COPG2: variants seen among roughly 807,000 people sequenced by gnomAD.
The protein encoded by COPG2 is coatomer subunit gamma-2.
Under a neutral mutation model 46.3 loss-of-function variants are expected in COPG2, and 37 were observed. The ratio of observed to expected loss-of-function variants is 0.80; its 90% CI spans 0.61 to 1.05. COPG2 has a LOEUF of 1.05. Among genes scored for constraint, COPG2 ranks in the 50% least tolerant of loss-of-function variants. The pLI is 0.00. For missense variants in COPG2, 427 were observed against 387.8 expected (o/e 1.10, Z -0.85); for synonymous variants, 159 against 129.7 (o/e 1.23, Z -1.53).
At chr7:130,668,518 C>T (rs1796148662) in intron 1 of COPG2, 114 bp downstream of exon 1, 4 of 927,156 alleles carry the variant, frequency 4.3e-6, no homozygotes, top group Non-Finnish European at 5.9e-6. Context: ...AGCTCCGGCC[C>T]CCTGGCACGG....
chr7:130,514,036 T>C (rs1425366159), intron 20 of COPG2, among the ~76,000 whole-genome samples: 1 of 152,198 alleles, frequency 6.6e-6, no homozygotes, highest in East Asian at 1.9e-4. Flanking sequence ...ATGAGGAAAG[T>C]GTTTCCCAGA....
chr7:130,601,167 AC>A (rs782172131), intron 9 of COPG2, among the ~76,000 whole-genome samples: 13 of 152,252 alleles, frequency 8.5e-5, no homozygotes, highest in Non-Finnish European at 1.8e-4. Flanking sequence ...TCAGGAAACA[AC>A]AGATGCTGGA....
chr7:130,655,952 C>T (rs1278788292), intron 4 of COPG2, among the ~76,000 whole-genome samples: 1 of 152,048 alleles, frequency 6.6e-6, no homozygotes, highest in Non-Finnish European at 1.5e-5. Flanking sequence ...TTATTAATTT[C>T]CAACACTATC....
chr7:130,615,671 T>C (rs1554452745), intron 6 of COPG2, among the ~76,000 whole-genome samples: 1 of 152,210 alleles, frequency 6.6e-6, no homozygotes, highest in African/African-American at 2.4e-5. Context: ...ATAAAAGAGA[T>C]TGGAGATTGC....
Position 130,507,705 on chromosome 7 carries a change from C to T in COPG2, c.2366G>A (p.Ser789Asn), listed in dbSNP as rs782069228. 14 of 780,100 alleles carry T rather than the reference C, an allele frequency of 1.8e-5. No individual in the cohort carries two copies. Among genetic ancestry groups the T allele is most frequent in the Middle Eastern group, 2.2e-4 (1 of 4,460 alleles). The allele number at this position is 780,100 out of a possible 1,614,324, so 48.3% of individuals were successfully genotyped here. A position where few individuals can be genotyped will look rare whatever the true frequency, so the allele number is the denominator to read the frequency against. The part of the protein sequence containing the change: ...TFEKEETFAL[S>N]STKTLEEAVN... ...CTCACCTTCAAGGGTTTTGGTAGAA[C>T]TGAGGGCAAAGGTTTCCTCTTTCTC... The change falls in exon 22 of 24, where the codon AGT (serine) becomes AAT (asparagine). Residue 789 changes from serine to asparagine, a missense_variant. Physicochemically the swap from Ser to Asn is conservative, Grantham distance 46. Transcript: ENST00000425248.
intron 5 of COPG2, among the ~76,000 whole-genome samples, chr7:130,643,535 G>A (rs1327942428): frequency 6.6e-6 from 1 of 152,116 alleles, no homozygotes; most frequent in East Asian, 1.9e-4. Context: ...GTTGGTTTGA[G>A]AACTTCAACT....
chr7:130,592,375 G>A (rs1483740930), intron 9 of COPG2, among the ~76,000 whole-genome samples: 1 of 132,722 alleles, frequency 7.5e-6, no homozygotes, highest in South Asian at 2.3e-4. Flanking sequence ...CCCCCTCTGC[G>A]AGAAACACCC....
chr7:130,618,551 G>C (rs1794987847), intron 5 of COPG2, among the ~76,000 whole-genome samples: 1 of 151,980 alleles, frequency 6.6e-6, no homozygotes, highest in Non-Finnish European at 1.5e-5. Flanking sequence ...CCACATTCTA[G>C]AATTAACAGG....
rs189584250 is a variant in COPG2, at chr7:130,607,045, G to A, written c.737+3908C>T. On this transcript the variant is annotated intron_variant, in intron 9 of 23. Transcript: ENST00000425248. ...TGCTTGAGCTCAGGAGTTTGAGACCGGCCTGGGCAACACTGCGGAACCCCA... is the reference window on the plus strand; with the variant it reads ...TGCTTGAGCTCAGGAGTTTGAGACCAGCCTGGGCAACACTGCGGAACCCCA... Among the ~76,000 whole-genome samples, 323 of 151,962 alleles carry A rather than the reference G, an allele frequency of 2.1e-3. 2 individuals are homozygous for A. Among genetic ancestry groups the A allele is most frequent in the African/African-American group, 6.8e-3 (282 of 41,430 alleles).
intron 5 of COPG2, among the ~76,000 whole-genome samples, chr7:130,626,400 A>ATTTTTTTTTTTTTTTTTT: frequency 8.3e-6 from 1 of 119,842 alleles, no homozygotes; most frequent in Non-Finnish European, 1.7e-5. Flanking sequence ...CACCAGGCTA[A>ATTTTTTTTTTTTTTTTTT]TTTTTTTTTT....
intron 9 of COPG2, among the ~76,000 whole-genome samples, chr7:130,571,832 G>GCC (rs1584977442): frequency 7.7e-6 from 1 of 129,052 alleles, no homozygotes; most frequent in South Asian, 2.4e-4. Flanking sequence ...AAGAAAATGC[G>GCC]CCCTCTCTCT....
intron 21 of COPG2, 189 bp downstream of exon 21, chr7:130,508,364 ATCTCAATTC>A: frequency 2.2e-6 from 1 of 464,924 alleles, no homozygotes; most frequent in Non-Finnish European, 3.8e-6. Flanking sequence ...GAAGTGGTAA[ATCTCAATTC>A]TCTCTGGCCT....
intron 5 of COPG2, among the ~76,000 whole-genome samples, chr7:130,641,323 T>C (rs1233597398): frequency 6.6e-6 from 1 of 151,998 alleles, no homozygotes; most frequent in Admixed American, 6.6e-5. Flanking sequence ...GGGAGAAGCA[T>C]GTACAAATAT....
chr7:130,641,081 T>A (rs1224699333), intron 5 of COPG2, among the ~76,000 whole-genome samples: 1 of 149,634 alleles, frequency 6.7e-6, no homozygotes, highest in Non-Finnish European at 1.5e-5. Context: ...GGCTCTCACC[T>A]GTAATTCCAG....
chr7:130,659,700 TC>T (rs1795935835), intron 4 of COPG2, among the ~76,000 whole-genome samples: 1 of 152,018 alleles, frequency 6.6e-6, no homozygotes, highest in African/African-American at 2.4e-5. Context: ...GATAAAGAGG[TC>T]AGGAAATTGA....
intron 20 of COPG2, among the ~76,000 whole-genome samples, chr7:130,526,977 G>A (rs1420373504): frequency 6.6e-6 from 1 of 150,814 alleles, no homozygotes; most frequent in Non-Finnish European, 1.5e-5. Context: ...CCAAACTCTA[G>A]GCATTTGAAA....
At position 130,513,211 on chromosome 7, in the gene COPG2, G is replaced by A. The variant is rs1167309170; in HGVS notation, c.2150-4552C>T. Among the ~76,000 whole-genome samples, 15 of 148,946 alleles carry A rather than the reference G, an allele frequency of 1.0e-4. 1 individual carries two copies. The highest frequency in any genetic ancestry group is 4.3e-4 in the South Asian group (2 of 4,666). ...TGAGGCAGTAGAATCACTTGAGCCC[G>A]GGAGGTGGAGGATGCAGTGAGCCGA... On this transcript the variant is annotated intron_variant, in intron 20 of 23. Transcript: ENST00000425248.
intron 9 of COPG2, among the ~76,000 whole-genome samples, chr7:130,583,019 A>G (rs1554447414): frequency 6.6e-6 from 1 of 151,402 alleles, no homozygotes. Flanking sequence ...AGGACTACAA[A>G]TCATGCTGCT....
At chr7:130,622,805 G>C (rs1554453780) in intron 5 of COPG2, among the ~76,000 whole-genome samples, 1 of 152,154 alleles carries the variant, frequency 6.6e-6, no homozygotes, top group African/African-American at 2.4e-5. Flanking sequence ...GGTGCACCCT[G>C]ATTGAACCAC....
Sources: allele counts gnomAD v4.1 joint callset (sites outside exome capture counted in the v4.1 genomes callset), GRCh38; gene constraint gnomAD v4.1.1; transcripts MANE v1.5; gene names NCBI Gene and HGNC (gene_info 2026-07-23, HGNC 2026-07-21).